GPD2: variants seen among roughly 807,000 people sequenced by gnomAD.
The protein encoded by GPD2 is glycerol-3-phosphate dehydrogenase 2.
In GPD2, 54 loss-of-function variants were observed where a neutral mutation model predicts 82.4. The ratio of observed to expected loss-of-function variants is 0.66; its 90% confidence interval spans 0.53 to 0.82. GPD2 has a LOEUF of 0.82. GPD2 is among the 40% of genes least tolerant of loss of function. The pLI is 0.00. For synonymous variants in GPD2, 288 were observed against 306.1 expected (o/e 0.94, Z 0.62); for missense variants, 748 against 896.2 (o/e 0.83, Z 2.11).
At chr2:156,563,708 G>T (rs1355493856) in intron 9 of GPD2, among the ~76,000 whole-genome samples, 1 of 152,136 alleles carries the variant, frequency 6.6e-6, no homozygotes, top group Non-Finnish European at 1.5e-5. Context: ...TCCAATTTCA[G>T]TGAAAGGATG....
At chr2:156,467,765 A>G (rs552207013) in intron 1 of GPD2, among the ~76,000 whole-genome samples, 34 of 152,330 alleles carry the variant, frequency 2.2e-4, no homozygotes, top group African/African-American at 7.9e-4. Context: ...AGTTTACAGA[A>G]TAGACCTCCT....
At position 156,571,901 on chromosome 2, in the gene GPD2, T is replaced by C. The variant is rs1363359767; in HGVS notation, c.1767+609T>C. Among the ~76,000 whole-genome samples the C allele has an allele frequency of 3.3e-5, 5 of 152,292 alleles. No individual in the cohort carries two copies. In the South Asian group the frequency reaches 6.2e-4, roughly 19 times the overall value. ...ATTTTTATATATTCATAAAATACTT[T>C]CTGTATTCATTGGGTTCTGTTCCTT... On this transcript the variant is annotated intron_variant, in intron 13 of 16. Coordinates refer to ENST00000438166, the MANE Select transcript of GPD2 (RefSeq NM_000408.5).
intron 6 of GPD2, among the ~76,000 whole-genome samples, chr2:156,529,451 C>G (rs1224290341): frequency 6.9e-6 from 1 of 144,298 alleles, no homozygotes; most frequent in Non-Finnish European, 1.5e-5. Context: ...AATTAGATCC[C>G]ATTTGTCAAT....
the GPD2 span, among the ~76,000 whole-genome samples, chr2:156,415,883 T>C: frequency 1.0e-5 from 1 of 98,074 alleles, no homozygotes; most frequent in Non-Finnish European, 2.6e-5. Context: ...TAGCCGGGCG[T>C]AGTGGCGGGC....
intron 2 of GPD2, among the ~76,000 whole-genome samples, chr2:156,487,053 C>T (rs932129578): frequency 6.6e-6 from 1 of 152,170 alleles, no homozygotes; most frequent in Non-Finnish European, 1.5e-5. Flanking sequence ...TGCCTGTAAT[C>T]CCAGCACTTT....
intron 2 of GPD2, among the ~76,000 whole-genome samples, chr2:156,488,636 C>T (rs1361434842): frequency 3.3e-5 from 5 of 150,876 alleles, no homozygotes; most frequent in Admixed American, 3.3e-4. Context: ...TTTTAATTTG[C>T]AAGTCTAATG....
At chr2:156,562,627 G>A (rs189652974) in intron 9 of GPD2, among the ~76,000 whole-genome samples, 2 of 151,712 alleles carry the variant, frequency 1.3e-5, no homozygotes, top group East Asian at 1.9e-4. Context: ...AAGCTAAACC[G>A]CACATTTACC....
At chr2:156,532,409 G>A (rs1438589968) in intron 6 of GPD2, among the ~76,000 whole-genome samples, 2 of 152,120 alleles carry the variant, frequency 1.3e-5, no homozygotes, top group Admixed American at 1.3e-4. Flanking sequence ...CCTTCTGTGT[G>A]CCCAGTGGTT....
chr2:156,553,507 A>G (rs898097205), intron 8 of GPD2, among the ~76,000 whole-genome samples: 85 of 152,218 alleles, frequency 5.6e-4, no homozygotes, highest in Non-Finnish European at 3.8e-4. Flanking sequence ...AAATAAATAA[A>G]TAATGTAAGT....
rs1685077233 is a variant in GPD2 at position 156,513,450 on chromosome 2, A to G, written c.615A>G (p.Pro205=). The change falls in exon 6 of 17, where the codon CCA becomes CCG. Residue 205 remains proline (P), a synonymous_variant. Transcript: ENST00000438166. ...AATCAAGAGCCCTTGAACATTTCCC[A>G]ATGCTCCAGAAGGACAAACTGGTAG... ...LSKSRALEHF[P]MLQKDKLVGA... 6.2e-7 allele frequency: 1 copy of G among 1,613,424 alleles called. No homozygotes were observed. Among genetic ancestry groups the G allele is most frequent in the Non-Finnish European group, 8.5e-7 (1 of 1,179,606 alleles).
chr2:156,490,980 A>T lies in GPD2; in HGVS notation c.103-5064A>T, dbSNP rs372506727. 4.6e-5 allele frequency among the ~76,000 whole-genome samples: 7 copies of T among 151,136 alleles called. No individual in the cohort carries two copies. The East Asian group carries it at 1.4e-3, about 29-fold the overall frequency. Reference sequence around the variant, plus strand: ...TCTATGAGTTTTGATAAGTTTATAAAATTTACCCTTTATAATTTACAATTC... The same window carrying T: ...TCTATGAGTTTTGATAAGTTTATAATATTTACCCTTTATAATTTACAATTC... On this transcript the variant is annotated intron_variant, in intron 2 of 16. Coordinates refer to ENST00000438166, the MANE Select transcript of GPD2 (RefSeq NM_000408.5).
rs78388240 is a variant in GPD2, at chr2:156,460,241, C to T, written c.-8-15857C>T. 4.9e-3 allele frequency among the ~76,000 whole-genome samples: 749 copies of T among 152,288 alleles called. 5 individuals carry two copies. The highest frequency in any genetic ancestry group is 0.017 in the African/African-American group (689 of 41,548). On this transcript the variant is annotated intron_variant, in intron 1 of 16. Coordinates refer to ENST00000438166, the MANE Select transcript of GPD2 (RefSeq NM_000408.5). ...CTATGTGATTTGACTGAGAACAGTA[C>T]GATCCTAGCCCACTGGGGTCTGGTG...
At chr2:156,464,935 C>G (rs865888886) in intron 1 of GPD2, among the ~76,000 whole-genome samples, 1 of 151,968 alleles carries the variant, frequency 6.6e-6, no homozygotes, top group African/African-American at 2.4e-5. Flanking sequence ...ACTAAAGCCT[C>G]CACCTCCTGG....
chr2:156,516,471 C>G (rs1388760855), intron 6 of GPD2, among the ~76,000 whole-genome samples: 1 of 152,176 alleles, frequency 6.6e-6, no homozygotes, highest in Non-Finnish European at 1.5e-5. Context: ...CAGAGTCTTG[C>G]CCTGTCACCC....
chr2:156,534,555 T>G (rs982934371), intron 6 of GPD2, among the ~76,000 whole-genome samples: 1 of 152,244 alleles, frequency 6.6e-6, no homozygotes, highest in African/African-American at 2.4e-5. Flanking sequence ...ACTTCTGTAC[T>G]CTATTCTTCA....
chr2:156,505,075 G>A (rs757027321), intron 3 of GPD2, among the ~76,000 whole-genome samples: 1 of 152,028 alleles, frequency 6.6e-6, no homozygotes, highest in Non-Finnish European at 1.5e-5. Flanking sequence ...AAAGTTAAAT[G>A]TCGTACCATT....
At chr2:156,559,825 T>C (rs1687104223) in intron 9 of GPD2, among the ~76,000 whole-genome samples, 1 of 152,216 alleles carries the variant, frequency 6.6e-6, no homozygotes, top group Admixed American at 6.5e-5. Flanking sequence ...TTAACATCCA[T>C]GTTTAAATAC....
chr2:156,410,743 T>C, the GPD2 span, among the ~76,000 whole-genome samples: 1 of 152,244 alleles, frequency 6.6e-6, no homozygotes, highest in Non-Finnish European at 1.5e-5. Flanking sequence ...CAAAGTCATA[T>C]ACCATTTGAC....
chr2:156,568,038 G>GA lies in GPD2; in HGVS notation c.1166-781dup, dbSNP rs1460413839. ...TGCTAAAAATAATGGAATGAGAAAAGAAAAAAGGCAGAGTATGGAAGTTGT... is the reference window on the plus strand; with the variant it reads ...TGCTAAAAATAATGGAATGAGAAAAGAAAAAAAGGCAGAGTATGGAAGTTGT... On this transcript the variant is annotated intron_variant, in intron 9 of 16. Coordinates refer to ENST00000438166, the MANE Select transcript of GPD2 (RefSeq NM_000408.5). Among the ~76,000 whole-genome samples the GA allele has an allele frequency of 7.9e-5, 12 of 152,068 alleles. No individual in the cohort carries two copies. In the South Asian group the frequency reaches 2.3e-3, roughly 29 times the overall value.
Sources: gnomAD v4.1 joint callset for allele counts (sites outside exome capture counted in the v4.1 genomes callset) on GRCh38, gnomAD v4.1.1 for gene constraint, MANE v1.5 for transcripts, NCBI Gene and HGNC (gene_info 2026-07-23, HGNC 2026-07-21) for gene names.